Variants in PTPRT observed in about 807,000 individuals in gnomAD.
PTPRT encodes the protein protein tyrosine phosphatase receptor type T, also known as receptor-type tyrosine-protein phosphatase T.
PTPRT carries 56 observed loss-of-function variants against 176.8 expected under a neutral mutation model. The ratio of observed to expected loss-of-function variants is 0.32; its 90% CI spans 0.26 to 0.40. The LOEUF (loss-of-function observed/expected upper bound fraction) is 0.40, where lower values mean the gene tolerates loss of function less well. Among genes scored for constraint, PTPRT ranks in the 10% least tolerant of loss-of-function variants. PTPRT has a pLI of 1.00. For missense variants in PTPRT, 1,540 were observed against 1,908.2 expected (o/e 0.81, Z 3.60); for synonymous variants, 783 against 739.0 (o/e 1.06, Z -0.96).
At chr20:42,945,989 A>G (rs1980861140) in intron 1 of PTPRT, among the ~76,000 whole-genome samples, 1 of 152,120 alleles carries the variant, frequency 6.6e-6, no homozygotes, top group African/African-American at 2.4e-5. Context: ...ACAATACGCA[A>G]CCTTCTGTGT....
chr20:42,456,269 A>G (rs1449281779), intron 8 of PTPRT, among the ~76,000 whole-genome samples: 2 of 152,046 alleles, frequency 1.3e-5, no homozygotes, highest in South Asian at 2.1e-4. Flanking sequence ...ATATTCTTAT[A>G]TTAATTCTAA....
downstream of PTPRT, among the ~76,000 whole-genome samples, chr20:42,069,999 C>T (rs1982255250): frequency 6.6e-6 from 1 of 152,184 alleles, no homozygotes; most frequent in Admixed American, 6.5e-5. Flanking sequence ...GAAAGCCACT[C>T]AGGCCAAGCC....
At chr20:42,322,298 C>T (rs2057811560) in intron 11 of PTPRT, among the ~76,000 whole-genome samples, 2 of 150,680 alleles carry the variant, frequency 1.3e-5, no homozygotes, top group African/African-American at 5.0e-5. Flanking sequence ...GCCCGCATCA[C>T]CAAGTCAATC....
chr20:42,987,571 C>T (rs1407987794), intron 1 of PTPRT, among the ~76,000 whole-genome samples: 1 of 152,104 alleles, frequency 6.6e-6, no homozygotes. Context: ...CAGCCACCCA[C>T]CCTGTCTTCA....
rs567572297 is a variant in PTPRT at position 42,217,999 on chromosome 20, G to C, written c.2342+18230C>G. Among the ~76,000 whole-genome samples, 10 of 152,358 alleles carry C rather than the reference G, an allele frequency of 6.6e-5. No homozygotes were observed. The South Asian group carries it at 8.3e-4, about 13-fold the overall frequency. ...ATCCTAAACTCGTAAAACAGGTAAAGGGAACAGGTGGGATTTGAGCCTAGC... is the reference window on the plus strand; with the variant it reads ...ATCCTAAACTCGTAAAACAGGTAAACGGAACAGGTGGGATTTGAGCCTAGC... On this transcript the variant is annotated intron_variant, in intron 15 of 30. Coordinates refer to ENST00000373187, the MANE Select transcript of PTPRT (RefSeq NM_007050.6).
chr20:42,849,702 A>G (rs980060770), intron 2 of PTPRT, among the ~76,000 whole-genome samples: 1 of 152,266 alleles, frequency 6.6e-6, no homozygotes, highest in East Asian at 1.9e-4. Flanking sequence ...CCTCCTCTGA[A>G]TCTTTCAGAG....
At chr20:43,049,289 A>C (rs1294526644) in intron 1 of PTPRT, among the ~76,000 whole-genome samples, 1 of 152,136 alleles carries the variant, frequency 6.6e-6, no homozygotes, top group Non-Finnish European at 1.5e-5. Context: ...TTATATATCT[A>C]ATGTATGATC....
intron 18 of PTPRT, among the ~76,000 whole-genome samples, chr20:42,135,962 A>G (rs1411669057): frequency 6.6e-6 from 1 of 152,086 alleles, no homozygotes; most frequent in Non-Finnish European, 1.5e-5. Flanking sequence ...TCAGTCTCCA[A>G]CATTGGTCCT....
chr20:43,008,648 A>G (rs1231937546), intron 1 of PTPRT, among the ~76,000 whole-genome samples: 3 of 152,136 alleles, frequency 2.0e-5, no homozygotes, highest in African/African-American at 4.8e-5. Flanking sequence ...CCGACATCAC[A>G]CCACTGCACT....
intron 8 of PTPRT, among the ~76,000 whole-genome samples, chr20:42,455,361 G>A (rs1345959099): frequency 2.0e-5 from 3 of 152,100 alleles, no homozygotes; most frequent in African/African-American, 7.2e-5. Context: ...AATAAACTTT[G>A]TATTGACTTT....
At chr20:42,580,536 G>A (rs934905985) in intron 7 of PTPRT, among the ~76,000 whole-genome samples, 3 of 152,142 alleles carry the variant, frequency 2.0e-5, no homozygotes, top group African/African-American at 7.2e-5. Context: ...CTATCCATGA[G>A]CATGGAATGT....
chr20:42,266,624 C>T (rs2056842376), intron 13 of PTPRT, among the ~76,000 whole-genome samples: 1 of 152,162 alleles, frequency 6.6e-6, no homozygotes, highest in South Asian at 2.1e-4. Context: ...TGACCTCTAC[C>T]CACTAGGTGA....
At chr20:42,155,136 G>A (rs1454085435) in intron 17 of PTPRT, among the ~76,000 whole-genome samples, 2 of 152,162 alleles carry the variant, frequency 1.3e-5, no homozygotes, top group Admixed American at 6.5e-5. Context: ...ATTCTGAAAT[G>A]TGGCTGTACA....
Position 42,276,496 on chromosome 20 carries a change from A to AATAT in PTPRT, c.2176+5989_2176+5992dup, listed in dbSNP as rs61484693. Among the ~76,000 whole-genome samples the AATAT allele has an allele frequency of 3.0e-3, 133 of 44,006 alleles. 1 individual carries two copies. Among genetic ancestry groups the AATAT allele is most frequent in the Non-Finnish European group, 3.9e-3 (83 of 21,066 alleles). 28.9% of individuals were successfully genotyped at this position (44,006 alleles called of 152,430 possible). On this transcript the variant is annotated intron_variant, in intron 13 of 30. Transcript: ENST00000373187. Reference sequence around the variant, plus strand: ...TCAGAAAGGAAGAGAGAAAGAAGGAAATATATATATATATATATATATATA... The same window carrying AATAT: ...TCAGAAAGGAAGAGAGAAAGAAGGAAATATATATATATATATATATATATATATA...
At position 42,433,562 on chromosome 20, in the gene PTPRT, T is replaced by C. The variant is rs781363275; in HGVS notation, c.1560+14658A>G. Among the ~76,000 whole-genome samples, 9 of 152,276 alleles carry C rather than the reference T, an allele frequency of 5.9e-5. No homozygotes were observed. In the East Asian group the frequency reaches 7.7e-4, roughly 13 times the overall value. On this transcript the variant is annotated intron_variant, in intron 9 of 30. Coordinates refer to ENST00000373187, the MANE Select transcript of PTPRT (RefSeq NM_007050.6). The stretch of plus-strand genomic sequence containing the variant: ...TGATTATTGATGTCCATCATGGGAA[T>C]GGTATTAGGGAGGAGTCAGGGCACA...
At chr20:42,236,358 T>G in intron 14 of PTPRT, 100 bp from the exon 15 acceptor site, 1 of 1,036,698 alleles carries the variant, frequency 9.6e-7, no homozygotes, top group Non-Finnish European at 1.5e-6. Context: ...ATCTTGATTC[T>G]TAGAAATGCA....
the PTPRT span, among the ~76,000 whole-genome samples, chr20:42,035,593 AG>A: frequency 6.6e-6 from 1 of 152,136 alleles, no homozygotes; most frequent in Non-Finnish European, 1.5e-5. Flanking sequence ...TCTCTGACAC[AG>A]CCCCCATCCC....
intron 1 of PTPRT, among the ~76,000 whole-genome samples, chr20:43,170,454 G>A (rs1022195807): frequency 1.3e-5 from 2 of 152,134 alleles, no homozygotes; most frequent in Non-Finnish European, 2.9e-5. Flanking sequence ...TCCAGATGGC[G>A]ATGAAAAGAT....
At chr20:42,947,295 T>A (rs1334821607) in intron 1 of PTPRT, among the ~76,000 whole-genome samples, 1 of 152,214 alleles carries the variant, frequency 6.6e-6, no homozygotes, top group East Asian at 1.9e-4. Context: ...TAGAGAGACT[T>A]GTGCTTGTTA....
Sources: gnomAD v4.1 joint callset for allele counts (sites outside exome capture counted in the v4.1 genomes callset) on GRCh38, gnomAD v4.1.1 for gene constraint, MANE v1.5 for transcripts, NCBI Gene and HGNC (gene_info 2026-07-23, HGNC 2026-07-21) for gene names.